MDGA2: variants seen among roughly 807,000 people sequenced by gnomAD.
MDGA2 encodes the protein MAM domain-containing glycosylphosphatidylinositol anchor protein 2.
A neutral mutation model predicts 117.8 loss-of-function variants in MDGA2; 40 were observed. The observed-to-expected ratio is 0.34, with a 90% CI of 0.26 to 0.44. The LOEUF is 0.44. MDGA2 is among the 20% of genes least tolerant of loss of function. MDGA2 has a pLI of 1.00. For missense variants in MDGA2, 1,123 were observed against 1,250.6 expected (o/e 0.90, Z 1.54); for synonymous variants, 452 against 439.0 (o/e 1.03, Z -0.37).
chr14:47,462,319 T>C (rs1352893861), intron 1 of MDGA2, among the ~76,000 whole-genome samples: 1 of 137,880 alleles, frequency 7.3e-6, no homozygotes, highest in East Asian at 2.1e-4. Flanking sequence ...GAGCTTGCAG[T>C]GAGCCCAGAT....
At chr14:47,334,368 T>C (rs905004942) in intron 1 of MDGA2, among the ~76,000 whole-genome samples, 9 of 151,856 alleles carry the variant, frequency 5.9e-5, no homozygotes, top group African/African-American at 2.2e-4. Context: ...TGGTGTTATT[T>C]TTTAAAAGCA....
intron 1 of MDGA2, among the ~76,000 whole-genome samples, chr14:47,338,423 T>TAA (rs1299018245): frequency 6.8e-6 from 1 of 148,030 alleles, no homozygotes; most frequent in Non-Finnish European, 1.5e-5. Context: ...TATAATGTCC[T>TAA]CATATATATA....
At chr14:47,113,095 T>C (rs1267568571) in intron 5 of MDGA2, among the ~76,000 whole-genome samples, 3 of 152,090 alleles carry the variant, frequency 2.0e-5, no homozygotes, top group Non-Finnish European at 4.4e-5. Flanking sequence ...GGAATATTTT[T>C]CTCTTATAAA....
At position 47,061,379 on chromosome 14, in the gene MDGA2, A is replaced by T; in HGVS notation, c.1395T>A (p.Ser465=). 1 of 1,613,684 alleles carries T rather than the reference A, an allele frequency of 6.2e-7. No homozygotes were observed. Among genetic ancestry groups the T allele is most frequent in the East Asian group, 2.2e-5 (1 of 44,856 alleles). ...MVITQTDPDV[S]PGTTNLDIID... is the part of the protein sequence containing the mutation. The stretch of plus-strand genomic sequence containing the variant: ...TGATGTCCAAGTTTGTTGTTCCCGG[A>T]GAGACATCAGGATCAGTCTGTGTAA... The change falls in exon 7 of 17, where the codon TCT becomes TCA. Residue 465 remains serine (S), a synonymous_variant. Coordinates refer to ENST00000399232, the MANE Select transcript of MDGA2 (RefSeq NM_001113498.3).
chr14:47,492,233 C>G (rs1316831178), intron 1 of MDGA2, among the ~76,000 whole-genome samples: 1 of 152,022 alleles, frequency 6.6e-6, no homozygotes, highest in African/African-American at 2.4e-5. Context: ...CAGAATGAAC[C>G]CAAAGTGCGT....
chr14:47,340,645 T>C (rs75450503), intron 1 of MDGA2, among the ~76,000 whole-genome samples: 2,695 of 152,270 alleles, frequency 0.018, 33 homozygotes, highest in Non-Finnish European at 0.028. Context: ...GGTTTGTGAA[T>C]GTAGCCTTTT....
chr14:47,285,416 G>T (rs1888639200), intron 2 of MDGA2, among the ~76,000 whole-genome samples: 3 of 152,024 alleles, frequency 2.0e-5, no homozygotes, highest in Admixed American at 1.3e-4. Flanking sequence ...TTTGGTGTAA[G>T]CAATAAATCA....
rs550985769 is a variant in MDGA2 at position 47,344,640 on chromosome 14, T to A, written c.281-43090A>T. ...TTGGTATACTGGTCCCTTGGCTCCA[T>A]GAGAGAAGACATTCATTAATTAATA... is the stretch of plus-strand genomic sequence containing the variant. On this transcript the variant is annotated intron_variant, in intron 1 of 16. Transcript: ENST00000399232. 1.6e-3 allele frequency among the ~76,000 whole-genome samples: 251 copies of A among 152,220 alleles called. 1 individual carries two copies. The highest frequency in any genetic ancestry group is 2.6e-3 in the Non-Finnish European group (176 of 67,984).
rs1896028366 is a variant in MDGA2, at chr14:47,571,948, G to A, written c.280+102569C>T. Among the ~76,000 whole-genome samples the A allele has an allele frequency of 3.3e-5, 5 of 152,046 alleles. No individual in the cohort carries two copies. The South Asian group carries it at 1.0e-3, about 32-fold the overall frequency. Reference sequence around the variant, plus strand: ...ACATTCACACAAACACACCTGAACAGTACATTCTTATGCACACACATACAT... The same window carrying A: ...ACATTCACACAAACACACCTGAACAATACATTCTTATGCACACACATACAT... On this transcript the variant is annotated intron_variant, in intron 1 of 16. Coordinates refer to ENST00000399232, the MANE Select transcript of MDGA2 (RefSeq NM_001113498.3).
intron 1 of MDGA2, among the ~76,000 whole-genome samples, chr14:47,363,378 C>A (rs2138375317): frequency 6.6e-6 from 1 of 152,232 alleles, no homozygotes; most frequent in Non-Finnish European, 1.5e-5. Flanking sequence ...CTGCCTGAGC[C>A]TCCTGAGTAG....
chr14:47,478,672 G>C (rs559286646), intron 1 of MDGA2, among the ~76,000 whole-genome samples: 1 of 151,984 alleles, frequency 6.6e-6, no homozygotes, highest in Admixed American at 6.6e-5. Context: ...CACTGCACCT[G>C]GTTGCAAACA....
At chr14:47,387,441 G>A (rs1891787529) in intron 1 of MDGA2, among the ~76,000 whole-genome samples, 1 of 152,054 alleles carries the variant, frequency 6.6e-6, no homozygotes. Flanking sequence ...AAACAGCTGG[G>A]TGTTTTTCTC....
intron 3 of MDGA2, among the ~76,000 whole-genome samples, chr14:47,180,970 C>T (rs1337871366): frequency 6.6e-6 from 1 of 151,914 alleles, no homozygotes; most frequent in Non-Finnish European, 1.5e-5. Context: ...AACACAGATG[C>T]TGGTGAGGTT....
rs192934714 is a variant in MDGA2 at position 47,414,976 on chromosome 14, G to T, written c.281-113426C>A. 2.4e-3 allele frequency among the ~76,000 whole-genome samples: 371 copies of T among 152,160 alleles called. 2 individuals carry two copies. The highest frequency in any genetic ancestry group is 8.5e-3 in the African/African-American group (354 of 41,554). On this transcript the variant is annotated intron_variant, in intron 1 of 16. Coordinates refer to ENST00000399232, the MANE Select transcript of MDGA2 (RefSeq NM_001113498.3). ...TTCAAACAATCTTAATAGTGAAAAT[G>T]TAAATCATTATATATATTTAATATA...
At chr14:47,022,601 T>A (rs149747247) in intron 8 of MDGA2, among the ~76,000 whole-genome samples, 1 of 152,096 alleles carries the variant, frequency 6.6e-6, no homozygotes, top group East Asian at 1.9e-4. Context: ...GTTCAGAAAA[T>A]TTTTAAAAAG....
At chr14:47,394,431 C>T (rs941914834) in intron 1 of MDGA2, among the ~76,000 whole-genome samples, 1 of 152,136 alleles carries the variant, frequency 6.6e-6, no homozygotes, top group African/African-American at 2.4e-5. Flanking sequence ...CCATCTTAAA[C>T]TTAACCTCAA....
rs143612967 is a variant in MDGA2 at position 47,599,519 on chromosome 14, C to A, written c.280+74998G>T. On this transcript the variant is annotated intron_variant, in intron 1 of 16. Transcript: ENST00000399232. The stretch of plus-strand genomic sequence containing the variant: ...AAGGAGTCATGAGATTTTCATTTGA[C>A]CCCACCAATGAATTTGATCCCATAC... Among the ~76,000 whole-genome samples the A allele has an allele frequency of 1.5e-4, 23 of 152,110 alleles. No individual in the cohort carries two copies. In the East Asian group the frequency reaches 2.3e-3, roughly 15 times the overall value.
intron 2 of MDGA2, among the ~76,000 whole-genome samples, chr14:47,296,771 C>T (rs527612807): frequency 1.3e-5 from 2 of 152,266 alleles, no homozygotes; most frequent in East Asian, 3.9e-4. Context: ...CAAACATATA[C>T]CCTACAAGTA....
chr14:47,463,364 T>C (rs903575553), intron 1 of MDGA2, among the ~76,000 whole-genome samples: 3 of 152,118 alleles, frequency 2.0e-5, no homozygotes, highest in African/African-American at 7.2e-5. Context: ...TTACAGGATA[T>C]TCACAATTTA....
Sources: gnomAD v4.1 joint callset for allele counts (sites outside exome capture counted in the v4.1 genomes callset) on GRCh38, gnomAD v4.1.1 for gene constraint, MANE v1.5 for transcripts, NCBI Gene and HGNC (gene_info 2026-07-23, HGNC 2026-07-21) for gene names.